Variants in TNNI3K observed in about 807,000 individuals in gnomAD.
TNNI3K encodes the protein TNNI3 interacting kinase.
A neutral mutation model predicts 114.5 loss-of-function variants in TNNI3K; 140 were observed. That is an observed-to-expected ratio of 1.22 (90% CI 1.07 to 1.41). The LOEUF is 1.41. TNNI3K is among the 40% of genes most tolerant of loss of function. The pLI, the probability that TNNI3K is intolerant of heterozygous loss-of-function variation, is 0.00. For synonymous variants in TNNI3K, 347 were observed against 347.5 expected (o/e 1.00, Z 0.02); for missense variants, 1,125 against 1,007.6 (o/e 1.12, Z -1.58).
At chr1:74,330,598 T>G (rs1292647537) in intron 5 of TNNI3K, among the ~76,000 whole-genome samples, 1 of 152,180 alleles carries the variant, frequency 6.6e-6, no homozygotes, top group African/African-American at 2.4e-5. Flanking sequence ...GTAGTCCCAT[T>G]TATGTGCAAT....
At chr1:74,280,711 C>T (rs145218077) in intron 5 of TNNI3K, among the ~76,000 whole-genome samples, 448 of 152,326 alleles carry the variant, frequency 2.9e-3, no homozygotes, top group African/African-American at 9.8e-3. Flanking sequence ...CATTGGTTGA[C>T]TACAGTGCTG....
intron 23 of TNNI3K, among the ~76,000 whole-genome samples, chr1:74,518,874 C>CTTTTTTTTTT (rs1327871291): frequency 6.9e-5 from 2 of 29,052 alleles, no homozygotes; most frequent in African/African-American, 1.7e-4. Flanking sequence ...TTTTTTTCCC[C>CTTTTTTTTTT]TTTTTTTTTT....
intron 21 of TNNI3K, among the ~76,000 whole-genome samples, chr1:74,466,119 G>T (rs538634225): frequency 4.6e-5 from 7 of 152,152 alleles, no homozygotes; most frequent in Non-Finnish European, 1.0e-4. Context: ...AGAAACTCCG[G>T]ACATATCTGA....
Position 74,516,461 on chromosome 1 carries a change from T to C in TNNI3K, c.2352-23773T>C, listed in dbSNP as rs146943809. ...GGCATGAGGTGTCACAGTAAAGAGA[T>C]GAAGTCCTTTTACTGTGGGGCTTAG... is the stretch of plus-strand genomic sequence containing the variant. On this transcript the variant is annotated intron_variant, in intron 23 of 24. Coordinates refer to ENST00000326637, the MANE Select transcript of TNNI3K (RefSeq NM_015978.3). 1.1e-4 allele frequency among the ~76,000 whole-genome samples: 16 copies of C among 152,312 alleles called. No homozygotes were observed. The South Asian group carries it at 2.5e-3, about 24-fold the overall frequency.
intron 17 of TNNI3K, among the ~76,000 whole-genome samples, chr1:74,420,889 G>A (rs1239316844): frequency 6.6e-6 from 1 of 152,016 alleles, no homozygotes; most frequent in South Asian, 2.1e-4. Flanking sequence ...ATTTTAATTA[G>A]TTTTGTTCTT....
At chr1:74,432,079 T>C in intron 17 of TNNI3K, among the ~76,000 whole-genome samples, 1 of 152,146 alleles carries the variant, frequency 6.6e-6, no homozygotes, top group Non-Finnish European at 1.5e-5. Flanking sequence ...TGTGTGTGTG[T>C]GTGTGCACAC....
At chr1:74,325,353 GA>G (rs1364817668) in intron 5 of TNNI3K, among the ~76,000 whole-genome samples, 1 of 152,100 alleles carries the variant, frequency 6.6e-6, no homozygotes, top group Non-Finnish European at 1.5e-5. Context: ...AGGTCTGTGG[GA>G]CGGACCTGGT....
intron 13 of TNNI3K, among the ~76,000 whole-genome samples, chr1:74,368,610 T>C (rs1442753086): frequency 6.6e-6 from 1 of 151,842 alleles, no homozygotes; most frequent in African/African-American, 2.4e-5. Context: ...ACCTTTATCA[T>C]AATGTGATAC....
At chr1:74,381,308 A>G (rs1204438739) in intron 17 of TNNI3K, among the ~76,000 whole-genome samples, 3 of 152,182 alleles carry the variant, frequency 2.0e-5, no homozygotes, top group Non-Finnish European at 4.4e-5. Flanking sequence ...TATTTAACAT[A>G]TCAGTTTTCT....
intron 23 of TNNI3K, among the ~76,000 whole-genome samples, chr1:74,504,554 G>C (rs1479340223): frequency 6.6e-6 from 1 of 152,008 alleles, no homozygotes; most frequent in Non-Finnish European, 1.5e-5. Flanking sequence ...AAAATATTCT[G>C]TTCAAAAGAG....
intron 4 of TNNI3K, among the ~76,000 whole-genome samples, chr1:74,253,334 C>A (rs1026438833): frequency 6.6e-6 from 1 of 152,198 alleles, no homozygotes; most frequent in African/African-American, 2.4e-5. Flanking sequence ...ACGCCATGTG[C>A]CTGCACTCCT....
intron 17 of TNNI3K, among the ~76,000 whole-genome samples, chr1:74,397,752 C>T (rs1016276547): frequency 6.6e-6 from 1 of 152,114 alleles, no homozygotes; most frequent in Non-Finnish European, 1.5e-5. Flanking sequence ...TGATATGCAG[C>T]ATATCATATG....
At chr1:74,387,034 T>A (rs543764171) in intron 17 of TNNI3K, among the ~76,000 whole-genome samples, 32 of 152,214 alleles carry the variant, frequency 2.1e-4, no homozygotes, top group Non-Finnish European at 3.5e-4. Context: ...GGCTACACAG[T>A]ATATATTATC....
chr1:74,255,584 A>G (rs932924215), intron 4 of TNNI3K, among the ~76,000 whole-genome samples: 9 of 152,142 alleles, frequency 5.9e-5, no homozygotes, highest in Non-Finnish European at 1.3e-4. Flanking sequence ...ATTAATCCTC[A>G]TACATCTTTT....
intron 5 of TNNI3K, among the ~76,000 whole-genome samples, chr1:74,325,679 G>A (rs1659862358): frequency 1.3e-5 from 2 of 152,136 alleles, no homozygotes; most frequent in Non-Finnish European, 2.9e-5. Flanking sequence ...GGGCTGAGGA[G>A]TGAATAGGAG....
intron 17 of TNNI3K, among the ~76,000 whole-genome samples, chr1:74,433,348 G>T (rs1665979604): frequency 6.6e-6 from 1 of 152,022 alleles, no homozygotes; most frequent in South Asian, 2.1e-4. Flanking sequence ...ATTAGCACAG[G>T]TTCTGCCAGC....
chr1:74,472,754 TTAAA>T (rs1668001143), intron 21 of TNNI3K, among the ~76,000 whole-genome samples: 1 of 152,186 alleles, frequency 6.6e-6, no homozygotes, highest in Admixed American at 6.5e-5. Flanking sequence ...TAAATATTTG[TTAAA>T]TAAATAGGTA....
intron 23 of TNNI3K, among the ~76,000 whole-genome samples, chr1:74,504,892 T>C (rs1401735381): frequency 6.6e-6 from 1 of 152,192 alleles, no homozygotes; most frequent in Non-Finnish European, 1.5e-5. Context: ...AAGCGTTTTG[T>C]AATACTAATT....
chr1:74,538,556 T>A (rs920068129), intron 23 of TNNI3K, among the ~76,000 whole-genome samples: 1 of 152,026 alleles, frequency 6.6e-6, no homozygotes, highest in African/African-American at 2.4e-5. Flanking sequence ...ACAAGATAAT[T>A]TTCTATAGTT....
Sources: allele counts gnomAD v4.1 joint callset (sites outside exome capture counted in the v4.1 genomes callset), GRCh38; gene constraint gnomAD v4.1.1; transcripts MANE v1.5; gene names NCBI Gene and HGNC (gene_info 2026-07-23, HGNC 2026-07-21).